Variants in ROCK1 observed in about 807,000 individuals in gnomAD.
ROCK1 encodes rho-associated protein kinase 1.
A neutral mutation model predicts 196.8 loss-of-function variants in ROCK1; 36 were observed. The ratio of observed to expected loss-of-function variants is 0.18; its 90% CI spans 0.14 to 0.24. The LOEUF is 0.24. ROCK1 is among the 10% of genes least tolerant of loss of function. The probability of loss-of-function intolerance (pLI) is 1.00; values close to 1 mark genes in which losing one functional copy is unlikely to be tolerated. For missense variants in ROCK1, 920 were observed against 1,562.0 expected, an observed-to-expected ratio of 0.59 and a Z score of 6.93; for synonymous variants, 443 against 515.9, an observed-to-expected ratio of 0.86 and a Z score of 1.91.
intron 32 of ROCK1, among the ~76,000 whole-genome samples, chr18:20,952,021 T>C (rs1325430845): frequency 6.6e-6 from 1 of 152,220 alleles, no homozygotes; most frequent in Non-Finnish European, 1.5e-5. Context: ...GCTTAATTTC[T>C]CTGAGCCTTA....
chr18:21,043,426 C>T (rs117158742), intron 6 of ROCK1, among the ~76,000 whole-genome samples: 1,764 of 151,796 alleles, frequency 0.012, 20 homozygotes, highest in South Asian at 0.038. Flanking sequence ...TACAGAAGTT[C>T]TCATGCAGTG....
chr18:21,063,363 A>T (rs2036308161), intron 2 of ROCK1, among the ~76,000 whole-genome samples: 1 of 152,226 alleles, frequency 6.6e-6, no homozygotes, highest in African/African-American at 2.4e-5. Flanking sequence ...AGATCCATGA[A>T]GCCTAGATAA....
chr18:21,093,955 CAAA>C (rs67567031), intron 1 of ROCK1, among the ~76,000 whole-genome samples: 11 of 140,360 alleles, frequency 7.8e-5, no homozygotes, highest in Admixed American at 1.4e-4. Context: ...GACTCAATCT[CAAA>C]AAAAAAAAAA....
At chr18:21,029,139 T>A (rs887450920) in intron 9 of ROCK1, among the ~76,000 whole-genome samples, 6 of 152,158 alleles carry the variant, frequency 3.9e-5, no homozygotes, top group African/African-American at 1.4e-4. Context: ...TATGAAACAA[T>A]TATCTTCAAA....
At chr18:21,035,178 C>G (rs892612847) in intron 9 of ROCK1, among the ~76,000 whole-genome samples, 2 of 152,202 alleles carry the variant, frequency 1.3e-5, no homozygotes, top group African/African-American at 4.8e-5. Flanking sequence ...AAACCAGACC[C>G]ATGTGCACTG....
intron 1 of ROCK1, among the ~76,000 whole-genome samples, chr18:21,106,141 A>T (rs1399485103): frequency 6.6e-6 from 1 of 152,086 alleles, no homozygotes; most frequent in Non-Finnish European, 1.5e-5. Context: ...TCCTCCGCTC[A>T]CCCGTTGCTA....
chr18:21,033,768 C>CA (rs1008684502), intron 9 of ROCK1, among the ~76,000 whole-genome samples: 1 of 147,324 alleles, frequency 6.8e-6, no homozygotes, highest in African/African-American at 2.5e-5. Flanking sequence ...CCTGTAATCC[C>CA]AGCACTTTGG....
chr18:21,010,682 T>C (rs1354665805), intron 13 of ROCK1, among the ~76,000 whole-genome samples: 2 of 152,222 alleles, frequency 1.3e-5, no homozygotes, highest in Non-Finnish European at 2.9e-5. Context: ...GAAGGCATAT[T>C]GTGCTGTTAA....
At chr18:21,107,182 A>G (rs1357250612) in intron 1 of ROCK1, among the ~76,000 whole-genome samples, 1 of 152,162 alleles carries the variant, frequency 6.6e-6, no homozygotes, top group East Asian at 1.9e-4. Context: ...TGGATTTTCC[A>G]CTTATGGCGT....
At chr18:20,980,658 T>G (rs2035523073) in intron 21 of ROCK1, among the ~76,000 whole-genome samples, 1 of 152,218 alleles carries the variant, frequency 6.6e-6, no homozygotes, top group Non-Finnish European at 1.5e-5. Flanking sequence ...GGCTCACGCC[T>G]GTAATCCCAG....
chr18:21,065,353 T>A (rs529155684), intron 2 of ROCK1, among the ~76,000 whole-genome samples: 1 of 152,104 alleles, frequency 6.6e-6, no homozygotes, highest in Non-Finnish European at 1.5e-5. Flanking sequence ...ACATAAAATA[T>A]CAGTTCTGTT....
At chr18:20,974,568 G>C (rs1311810154) in intron 22 of ROCK1, among the ~76,000 whole-genome samples, 2 of 152,164 alleles carry the variant, frequency 1.3e-5, no homozygotes, top group Non-Finnish European at 2.9e-5. Context: ...AAAATTACCT[G>C]CATCTATACA....
In ROCK1 at chr18:20,973,894, C is replaced by T. The variant is rs796582836; in HGVS notation, c.2655-3381G>A. Among the ~76,000 whole-genome samples, 7 of 151,264 alleles carry T rather than the reference C, an allele frequency of 4.6e-5. 1 individual carries two copies. Among genetic ancestry groups the T allele is most frequent in the African/African-American group, 1.7e-4 (7 of 41,170 alleles). ...CTCCCGGGTTCACGCCATTCTCCTG[C>T]CTCAGCCTCCCGAGTAGCTGGGACT... On this transcript the variant is annotated intron_variant, in intron 22 of 32. Transcript: ENST00000399799.
Position 21,111,613 on chromosome 18 carries a change from G to C in ROCK1, c.-703C>G, listed in dbSNP as rs112002797. ...CCCGATGGAGACTTAGCAGAGGAAAGGCTGGAGAGCGGGCGAAGAGGAAGA... is the reference window on the plus strand; with the variant it reads ...CCCGATGGAGACTTAGCAGAGGAAACGCTGGAGAGCGGGCGAAGAGGAAGA... On this transcript the variant is annotated 5_prime_UTR_variant, in exon 1 of 33. Transcript: ENST00000399799. The surrounding 1 kb of genome is among the most constrained non-coding windows in gnomAD (Gnocchi z 4.2). 53 of 155,420 alleles carry C rather than the reference G, an allele frequency of 3.4e-4. No individual in the cohort carries two copies. The highest frequency in any genetic ancestry group is 1.3e-4 in the Admixed American group (2 of 15,334). 9.6% of individuals were successfully genotyped at this position (155,420 alleles called of 1,614,324 possible).
chr18:21,088,798 C>T (rs1220205171), intron 1 of ROCK1, among the ~76,000 whole-genome samples: 1 of 152,122 alleles, frequency 6.6e-6, no homozygotes, highest in African/African-American at 2.4e-5. Flanking sequence ...TGAGGACATA[C>T]TGACCCCTCC....
intron 16 of ROCK1, among the ~76,000 whole-genome samples, chr18:21,005,561 A>G (rs1390994197): frequency 6.6e-6 from 1 of 152,160 alleles, no homozygotes; most frequent in African/African-American, 2.4e-5. Flanking sequence ...ATGTGATACA[A>G]ATGTGGGCAT....
At chr18:21,060,839 C>CAAAA (rs930819259) in intron 2 of ROCK1, among the ~76,000 whole-genome samples, 5 of 44,746 alleles carry the variant, frequency 1.1e-4, no homozygotes, top group African/African-American at 3.6e-4. Context: ...AACTCCATCT[C>CAAAA]AAAAAAAAAA....
At chr18:20,981,506 C>T (rs185728823) in intron 21 of ROCK1, among the ~76,000 whole-genome samples, 12 of 152,274 alleles carry the variant, frequency 7.9e-5, no homozygotes, top group African/African-American at 2.9e-4. Flanking sequence ...AAGCTTTTGC[C>T]AACGCCAGTG....
chr18:20,991,887 G>A (rs2035629554), intron 17 of ROCK1, among the ~76,000 whole-genome samples: 1 of 151,886 alleles, frequency 6.6e-6, no homozygotes, highest in African/African-American at 2.4e-5. Context: ...ATCCTCCTGT[G>A]TCAGCCTCCC....
Sources: gnomAD v4.1 joint callset for allele counts (sites outside exome capture counted in the v4.1 genomes callset) on GRCh38, gnomAD v4.1.1 for gene constraint, Gnocchi (gnomAD v3.1) non-coding constraint, MANE v1.5 for transcripts, NCBI Gene and HGNC (gene_info 2026-07-23, HGNC 2026-07-21) for gene names.